Variants in LHFPL3 observed in about 807,000 individuals in gnomAD.
LHFPL3 encodes the protein LHFPL tetraspan subfamily member 3 protein.
LHFPL3 carries 5 observed loss-of-function variants against 19.3 expected under a neutral mutation model. The ratio of observed to expected loss-of-function variants is 0.26; its 90% confidence interval spans 0.14 to 0.54. The LOEUF is 0.54. Ranked by LOEUF, LHFPL3 falls within the 20% of genes least tolerant of loss-of-function variation. LHFPL3 has a pLI of 0.94. For missense variants in LHFPL3, 249 were observed against 307.4 expected, an observed-to-expected ratio of 0.81 and a Z score of 1.42; for synonymous variants, 133 against 126.2, an observed-to-expected ratio of 1.05 and a Z score of -0.36.
chr7:104,534,003 G>C (rs1354392071), intron 1 of LHFPL3, among the ~76,000 whole-genome samples: 8 of 152,138 alleles, frequency 5.3e-5, no homozygotes, highest in Admixed American at 2.0e-4. Flanking sequence ...TTCATACCGA[G>C]TTAACCACTA....
chr7:104,732,839 C>T (rs1441909117), intron 1 of LHFPL3, among the ~76,000 whole-genome samples: 1 of 152,138 alleles, frequency 6.6e-6, no homozygotes, highest in Non-Finnish European at 1.5e-5. Context: ...TTAGATCTTT[C>T]CTGCTTTCTC....
intron 1 of LHFPL3, among the ~76,000 whole-genome samples, chr7:104,727,978 T>C (rs566639645): frequency 1.8e-4 from 27 of 152,158 alleles, no homozygotes; most frequent in African/African-American, 6.3e-4. Context: ...TGAGAGGTAA[T>C]GAAGGCCTAA....
chr7:104,389,403 A>G (rs1175970804), intron 1 of LHFPL3, among the ~76,000 whole-genome samples: 1 of 152,200 alleles, frequency 6.6e-6, no homozygotes, highest in East Asian at 1.9e-4. Flanking sequence ...ATTCATGTGT[A>G]TAGACCAGAC....
chr7:104,696,471 T>C (rs1471537635), intron 1 of LHFPL3, among the ~76,000 whole-genome samples: 3 of 140,354 alleles, frequency 2.1e-5, no homozygotes, highest in African/African-American at 5.2e-5. Flanking sequence ...TGTGTGTGTG[T>C]GCTTACATAT....
chr7:104,594,521 T>C (rs149506408), intron 1 of LHFPL3, among the ~76,000 whole-genome samples: 114 of 152,278 alleles, frequency 7.5e-4, no homozygotes, highest in African/African-American at 2.4e-3. Flanking sequence ...TGTCTTGAGG[T>C]TGCTCTTCTG....
intron 1 of LHFPL3, among the ~76,000 whole-genome samples, chr7:104,575,508 T>C (rs1432403912): frequency 2.7e-5 from 4 of 147,776 alleles, no homozygotes; most frequent in Admixed American, 2.0e-4. Flanking sequence ...ATAGGCCTAT[T>C]TTTAATATAT....
At chr7:104,356,474 A>C (rs1584263563) in intron 1 of LHFPL3, among the ~76,000 whole-genome samples, 1 of 152,196 alleles carries the variant, frequency 6.6e-6, no homozygotes, top group East Asian at 1.9e-4. Context: ...CATTGTCAGA[A>C]GTAGTTTCAT....
At chr7:104,331,676 G>A (rs142252537) in intron 1 of LHFPL3, among the ~76,000 whole-genome samples, 2,941 of 152,184 alleles carry the variant, frequency 0.019, 41 homozygotes, top group Non-Finnish European at 0.032. Flanking sequence ...TAGGCCGGGC[G>A]CAGTGGCTCA....
At chr7:104,851,087 C>T (rs927228524) in intron 2 of LHFPL3, among the ~76,000 whole-genome samples, 8 of 152,166 alleles carry the variant, frequency 5.3e-5, no homozygotes, top group African/African-American at 1.9e-4. Context: ...TCTTGCCAGT[C>T]ATGAAAGAGA....
intron 1 of LHFPL3, among the ~76,000 whole-genome samples, chr7:104,387,411 T>G (rs1319417885): frequency 5.3e-5 from 8 of 151,630 alleles, no homozygotes; most frequent in African/African-American, 1.9e-4. Context: ...GTACAATAAC[T>G]GAAATAAAAA....
chr7:104,729,556 G>C (rs1793653314), intron 1 of LHFPL3, among the ~76,000 whole-genome samples: 1 of 151,986 alleles, frequency 6.6e-6, no homozygotes, highest in Non-Finnish European at 1.5e-5. Context: ...CTGATAACCA[G>C]TATTTTACTC....
chr7:104,808,013 C>T (rs762857629), intron 2 of LHFPL3, among the ~76,000 whole-genome samples: 10 of 152,238 alleles, frequency 6.6e-5, no homozygotes, highest in African/African-American at 1.2e-4. Context: ...CAGGACTATA[C>T]TCCATCTCGG....
intron 1 of LHFPL3, among the ~76,000 whole-genome samples, chr7:104,588,508 T>C (rs572879877): frequency 6.6e-6 from 1 of 152,276 alleles, no homozygotes; most frequent in East Asian, 1.9e-4. Context: ...CATGCTGTTT[T>C]GGTTACTGTA....
intron 1 of LHFPL3, among the ~76,000 whole-genome samples, chr7:104,353,297 G>A (rs1230072638): frequency 6.6e-6 from 1 of 152,214 alleles, no homozygotes; most frequent in Non-Finnish European, 1.5e-5. Context: ...TGAAACAGGA[G>A]TAAATTAGGG....
chr7:104,862,986 A>C (rs536850726), intron 2 of LHFPL3, among the ~76,000 whole-genome samples: 4 of 152,278 alleles, frequency 2.6e-5, no homozygotes, highest in Admixed American at 2.6e-4. Flanking sequence ...TCTGTACACC[A>C]CCTTATGCTA....
intron 1 of LHFPL3, among the ~76,000 whole-genome samples, chr7:104,683,814 C>T (rs6962309): frequency 0.49 from 74,982 of 151,984 alleles, 18,915 homozygotes; most frequent in East Asian, 0.59. Flanking sequence ...GACATTTGTA[C>T]AATATTTAAT....
intron 1 of LHFPL3, among the ~76,000 whole-genome samples, chr7:104,384,861 A>G (rs1790906061): frequency 6.6e-6 from 1 of 152,072 alleles, no homozygotes; most frequent in South Asian, 2.1e-4. Flanking sequence ...TCATATATAA[A>G]TAGAGGAATC....
intron 2 of LHFPL3, chr7:104,752,702 C>T (rs539220424): frequency 1.0e-4 from 39 of 390,762 alleles, no homozygotes; most frequent in Non-Finnish European, 1.4e-4. Flanking sequence ...TTCTTCCGAG[C>T]GCACAAGCTT....
chr7:104,391,523 T>G (rs986992938), intron 1 of LHFPL3, among the ~76,000 whole-genome samples: 2 of 152,200 alleles, frequency 1.3e-5, no homozygotes, highest in African/African-American at 2.4e-5. Context: ...CTGAGGGCTC[T>G]GTTCTGTTCC....
Sources: gnomAD v4.1 joint callset for allele counts (sites outside exome capture counted in the v4.1 genomes callset) on GRCh38, gnomAD v4.1.1 for gene constraint, MANE v1.5 for transcripts, NCBI Gene and HGNC (gene_info 2026-07-23, HGNC 2026-07-21) for gene names.